The following OPCML variants were observed in gnomAD, a reference collection of about 807,000 sequenced individuals.
OPCML encodes opioid binding protein/cell adhesion molecule like.
OPCML carries 13 observed loss-of-function variants against 37.8 expected under a neutral mutation model. The observed-to-expected ratio is 0.34, with a 90% CI of 0.22 to 0.55. The LOEUF is 0.55. Among genes scored for constraint, OPCML ranks in the 20% least tolerant of loss-of-function variants. OPCML has a pLI of 0.91. For synonymous variants in OPCML, 176 were observed against 168.8 expected, an observed-to-expected ratio of 1.04 and a Z score of -0.33; for missense variants, 341 against 435.6, an observed-to-expected ratio of 0.78 and a Z score of 1.93.
At chr11:133,217,348 T>C (rs1939628773) in intron 1 of OPCML, among the ~76,000 whole-genome samples, 1 of 152,206 alleles carries the variant, frequency 6.6e-6, no homozygotes, top group Non-Finnish European at 1.5e-5. Flanking sequence ...GGGGTCCCAG[T>C]GTTTTGTTCC....
rs753838409 is a variant in OPCML, at chr11:132,521,791, AAAAT to A, written c.505+7266_505+7269del. On this transcript the variant is annotated intron_variant, in intron 4 of 7. Coordinates refer to ENST00000524381, the MANE Select transcript of OPCML (RefSeq NM_001012393.5). ...AAATTAAAATTAAAATTAAAAATTA[AAAAT>A]AAATAAAGTTATGAATAATTGCACT... is the stretch of plus-strand genomic sequence containing the variant. Among the ~76,000 whole-genome samples, 73 of 152,326 alleles carry A rather than the reference AAAAT, an allele frequency of 4.8e-4. No homozygotes were observed. In the South Asian group the frequency reaches 5.2e-3, roughly 11 times the overall value.
chr11:133,400,765 T>C (rs1945385725), intron 1 of OPCML, among the ~76,000 whole-genome samples: 1 of 152,228 alleles, frequency 6.6e-6, no homozygotes, highest in Non-Finnish European at 1.5e-5. Context: ...ATATGGCCTC[T>C]GGATCATGAT....
At chr11:133,523,258 C>T (rs1359721645) in intron 1 of OPCML, among the ~76,000 whole-genome samples, 2 of 152,018 alleles carry the variant, frequency 1.3e-5, no homozygotes, top group Non-Finnish European at 2.9e-5. Context: ...TTCCTTGTTC[C>T]AGGACAAGAT....
At chr11:132,810,152 C>T (rs1399995249) in intron 2 of OPCML, among the ~76,000 whole-genome samples, 5 of 152,094 alleles carry the variant, frequency 3.3e-5, no homozygotes, top group Non-Finnish European at 7.4e-5. Flanking sequence ...CCCAGCCTCT[C>T]CCTCCGTCTT....
intron 3 of OPCML, among the ~76,000 whole-genome samples, chr11:132,552,435 A>G (rs1303683808): frequency 6.6e-6 from 1 of 152,172 alleles, no homozygotes; most frequent in East Asian, 1.9e-4. Flanking sequence ...GTAGGTTGGT[A>G]CTGAGTAACA....
intron 1 of OPCML, among the ~76,000 whole-genome samples, chr11:133,083,130 C>CCACGCACACACACGCACACACACA (rs1247808284): frequency 3.6e-4 from 54 of 151,958 alleles, no homozygotes; most frequent in Admixed American, 2.6e-4. Flanking sequence ...ATCACACACA[C>CCACGCACACACACGCACACACACA]CACGCACACA....
chr11:133,531,118 G>A (rs571087353), intron 1 of OPCML, among the ~76,000 whole-genome samples: 9 of 152,246 alleles, frequency 5.9e-5, no homozygotes, highest in East Asian at 1.9e-4. Context: ...ACTGTGCGAC[G>A]GTTTGGTATG....
intron 1 of OPCML, among the ~76,000 whole-genome samples, chr11:133,253,865 C>T (rs577640477): frequency 6.1e-5 from 9 of 146,578 alleles, no homozygotes; most frequent in African/African-American, 1.8e-4. Context: ...CTTCCCTTCC[C>T]TTCCCTTCCC....
intron 1 of OPCML, among the ~76,000 whole-genome samples, chr11:133,457,051 C>A (rs1315159143): frequency 6.6e-6 from 1 of 151,996 alleles, no homozygotes; most frequent in Non-Finnish European, 1.5e-5. Context: ...AGAGACCAAC[C>A]CCAAGACACA....
intron 2 of OPCML, among the ~76,000 whole-genome samples, chr11:132,881,768 C>T (rs945959516): frequency 1.3e-5 from 2 of 152,182 alleles, no homozygotes; most frequent in African/African-American, 4.8e-5. Context: ...TTAGCAGCCC[C>T]AACTGTGACT....
At chr11:132,577,900 T>C (rs1206120448) in intron 3 of OPCML, among the ~76,000 whole-genome samples, 2 of 152,174 alleles carry the variant, frequency 1.3e-5, no homozygotes, top group Non-Finnish European at 2.9e-5. Flanking sequence ...GGGACATCCT[T>C]CAGCGCATCA....
chr11:132,736,806 A>G (rs912464797), intron 2 of OPCML, among the ~76,000 whole-genome samples: 1 of 152,172 alleles, frequency 6.6e-6, no homozygotes, highest in Non-Finnish European at 1.5e-5. Flanking sequence ...CATATTGACT[A>G]CAACCTCCTG....
chr11:132,657,665 CA>C (rs1321423263), intron 2 of OPCML, among the ~76,000 whole-genome samples: 2 of 152,070 alleles, frequency 1.3e-5, no homozygotes, highest in Admixed American at 6.5e-5. Context: ...AGAAGTGGCC[CA>C]GGGGCACATG....
At chr11:133,057,130 G>A (rs1948255406) in intron 1 of OPCML, among the ~76,000 whole-genome samples, 1 of 152,178 alleles carries the variant, frequency 6.6e-6, no homozygotes, top group Non-Finnish European at 1.5e-5. Context: ...GGCGTGAGCT[G>A]CTGTGCCTGG....
intron 1 of OPCML, among the ~76,000 whole-genome samples, chr11:133,450,710 C>T (rs1448119850): frequency 6.6e-6 from 1 of 151,612 alleles, no homozygotes; most frequent in Non-Finnish European, 1.5e-5. Flanking sequence ...AAACAGAGAA[C>T]ACAACGTGAA....
chr11:132,571,219 T>TA (rs1192714471), intron 3 of OPCML, among the ~76,000 whole-genome samples: 2 of 152,076 alleles, frequency 1.3e-5, no homozygotes. Context: ...CTGGGGGGTC[T>TA]CGGGCCTTCA....
intron 1 of OPCML, among the ~76,000 whole-genome samples, chr11:133,248,837 A>G (rs977085994): frequency 3.9e-5 from 6 of 152,140 alleles, no homozygotes; most frequent in African/African-American, 1.2e-4. Flanking sequence ...ATTTTCAAGT[A>G]TTTTCATGTT....
intron 1 of OPCML, among the ~76,000 whole-genome samples, chr11:133,405,054 A>G (rs1427673588): frequency 1.3e-5 from 2 of 152,216 alleles, no homozygotes; most frequent in Non-Finnish European, 2.9e-5. Context: ...TTCATTCAAA[A>G]CAGGCTTTTA....
chr11:132,869,738 C>T (rs551597936), intron 2 of OPCML, among the ~76,000 whole-genome samples: 1 of 152,162 alleles, frequency 6.6e-6, no homozygotes, highest in Non-Finnish European at 1.5e-5. Context: ...TAATTGTGCA[C>T]ATCTCTGGAA....
Sources: gnomAD v4.1 joint callset for allele counts (sites outside exome capture counted in the v4.1 genomes callset) on GRCh38, gnomAD v4.1.1 for gene constraint, MANE v1.5 for transcripts, NCBI Gene and HGNC (gene_info 2026-07-23, HGNC 2026-07-21) for gene names.